The following RGMB variants were observed in gnomAD, a reference collection of about 807,000 sequenced individuals.
RGMB encodes the protein repulsive guidance molecule BMP co-receptor b.
RGMB carries 16 observed loss-of-function variants against 26.9 expected under a neutral mutation model. That is an observed-to-expected ratio of 0.60 (90% confidence interval 0.40 to 0.90). The LOEUF is 0.90. Among genes scored for constraint, RGMB ranks in the 40% least tolerant of loss-of-function variants. RGMB has a pLI of 0.00. For synonymous variants in RGMB, 225 were observed against 229.3 expected, an observed-to-expected ratio of 0.98 and a Z score of 0.17; for missense variants, 512 against 573.3, an observed-to-expected ratio of 0.89 and a Z score of 1.09.
intron 1 of RGMB, among the ~76,000 whole-genome samples, 158 bp downstream of exon 1, chr5:98,774,364 G>A (rs1174899794): frequency 1.3e-5 from 2 of 152,276 alleles, no homozygotes; most frequent in East Asian, 3.9e-4. Context: ...CGGGCTCCGG[G>A]CCACAGTAAC....
At position 98,773,796 on chromosome 5, in the gene RGMB, G is replaced by C. The variant is rs186251635; in HGVS notation, c.-275G>C. On this transcript the variant is annotated 5_prime_UTR_variant, in exon 1 of 3. Coordinates refer to ENST00000513185, the MANE Select transcript of RGMB (RefSeq NM_001366508.1). ...GGGACTCGTCTCAGCAGTCGCTCAC[G>C]GTCTTTGTGTCTTCTCTTCCGCCCC... The C allele has an allele frequency of 4.7e-6, 2 of 428,422 alleles. No individual in the cohort carries two copies. The highest frequency in any genetic ancestry group is 4.5e-5 in the Admixed American group (1 of 22,144). The allele number at this position is 428,422 out of a possible 1,614,324, so 26.5% of individuals were successfully genotyped here.
chr5:98,774,173 C>A lies in RGMB; in HGVS notation c.103C>A (p.Leu35Met). The A allele has an allele frequency of 1.3e-6, 2 of 1,499,550 alleles. No individual in the cohort carries two copies. The highest frequency in any genetic ancestry group is 1.8e-6 in the Non-Finnish European group (2 of 1,131,782). The allele number at this position is 1,499,550 out of a possible 1,614,324, so 92.9% of individuals were successfully genotyped here. Reference protein sequence around the residue: ...LCPPPLELLLLLLFSLGLLHA... With the variant: ...LCPPPLELLLMLLFSLGLLHA... The stretch of plus-strand genomic sequence containing the variant: ...CCCCCCGCCGCTGGAGCTGCTGCTG[C>A]TGCTGCTGTTCAGCCTCGGGCTGCT... Residue 35 changes from leucine to methionine, a missense_variant, in exon 1 of 3, where the codon CTG becomes ATG. Physicochemically the swap from Leu to Met is conservative, Grantham distance 15. Coordinates refer to ENST00000513185, the MANE Select transcript of RGMB (RefSeq NM_001366508.1).
chr5:98,777,097 A>AAAAGG (rs1746439863), intron 1 of RGMB, among the ~76,000 whole-genome samples: 1 of 152,082 alleles, frequency 6.6e-6, no homozygotes. Flanking sequence ...AAAAAAAAAA[A>AAAAGG]AAAGGAAAGG....
rs557341925 is a variant in RGMB at position 98,775,869 on chromosome 5, TAAAGA to T, written c.136+1670_136+1674del. ...GTTGGAGTGAAGCGATTAATCCTGTTAAAGAAAAGAACGCTCCTTTTGAGAGATTT... is the reference window on the plus strand; with the variant it reads ...GTTGGAGTGAAGCGATTAATCCTGTTAAAGAACGCTCCTTTTGAGAGATTT... On this transcript the variant is annotated intron_variant, in intron 1 of 2. Transcript: ENST00000513185. 1.3e-4 allele frequency among the ~76,000 whole-genome samples: 20 copies of T among 152,376 alleles called. No homozygotes were observed. In the South Asian group the frequency reaches 4.1e-3, roughly 32 times the overall value.
intron 2 of RGMB, among the ~76,000 whole-genome samples, chr5:98,782,078 G>A (rs1746625338): frequency 6.6e-6 from 1 of 152,202 alleles, no homozygotes; most frequent in Admixed American, 6.5e-5. Flanking sequence ...CTATTGGAAG[G>A]TATTTTCCCA....
At chr5:98,787,500 A>G (rs959079759) in intron 2 of RGMB, among the ~76,000 whole-genome samples, 1 of 152,188 alleles carries the variant, frequency 6.6e-6, no homozygotes, top group Admixed American at 6.5e-5. Flanking sequence ...CACCTTTCAG[A>G]ATATTTTTAG....
At chr5:98,775,055 A>G (rs539651911) in intron 1 of RGMB, among the ~76,000 whole-genome samples, 1 of 152,030 alleles carries the variant, frequency 6.6e-6, no homozygotes, top group African/African-American at 2.4e-5. Flanking sequence ...TTTTAATGCT[A>G]AGGTTGAAAG....
In RGMB at chr5:98,794,565, G is replaced by C. The variant is rs986385548; in HGVS notation, c.*812G>C. On this transcript the variant is annotated 3_prime_UTR_variant, in exon 3 of 3. Transcript: ENST00000513185. Reference sequence around the variant, plus strand: ...TCCCATGCCCCGTTTTAAATTGTCAGTTTTCCCTCTGACTCTTCTGTGTTA... The same window carrying C: ...TCCCATGCCCCGTTTTAAATTGTCACTTTTCCCTCTGACTCTTCTGTGTTA... 1 of 152,128 alleles carries C rather than the reference G, an allele frequency of 6.6e-6. No homozygotes were observed. The highest frequency in any genetic ancestry group is 1.5e-5 in the Non-Finnish European group (1 of 68,030). 9.4% of individuals were successfully genotyped at this position (152,128 alleles called of 1,614,324 possible).
At chr5:98,780,407 A>G (rs1347083051) in intron 2 of RGMB, 1 of 241,442 alleles carries the variant, frequency 4.1e-6, no homozygotes, top group Admixed American at 5.1e-5. Flanking sequence ...TTTTGAGTGC[A>G]TATGTGTGTG....
intron 1 of RGMB, among the ~76,000 whole-genome samples, chr5:98,777,258 C>T (rs1299749657): frequency 6.6e-6 from 1 of 152,100 alleles, no homozygotes; most frequent in Non-Finnish European, 1.5e-5. Flanking sequence ...GAAACGTATG[C>T]TCGGATAGAT....
chr5:98,772,338 A>G (rs1746193300), upstream of RGMB, among the ~76,000 whole-genome samples: 1 of 152,234 alleles, frequency 6.6e-6, no homozygotes, highest in South Asian at 2.1e-4. Flanking sequence ...AAATGTGTCT[A>G]ATAAGTGAGC....
intron 1 of RGMB, among the ~76,000 whole-genome samples, chr5:98,777,989 C>T (rs974703269): frequency 4.6e-5 from 7 of 152,168 alleles, no homozygotes; most frequent in African/African-American, 1.7e-4. Context: ...TCTTCCCTCC[C>T]ATCATCTCTG....
At position 98,793,822 on chromosome 5, in the gene RGMB, T is replaced by C; in HGVS notation, c.*69T>C. On this transcript the variant is annotated 3_prime_UTR_variant, in exon 3 of 3. Transcript: ENST00000513185. Reference sequence around the variant, plus strand: ...AATTTTAAAATATATATTGTCATAATATATTGAGTAAAAGAGTATATATGT... The same window carrying C: ...AATTTTAAAATATATATTGTCATAACATATTGAGTAAAAGAGTATATATGT... 2 of 1,190,408 alleles carry C rather than the reference T, an allele frequency of 1.7e-6. No homozygotes were observed. The highest frequency in any genetic ancestry group is 2.3e-6 in the Non-Finnish European group (2 of 866,910). 73.7% of individuals were successfully genotyped at this position (1,190,408 alleles called of 1,614,324 possible). A position where few individuals can be genotyped will look rare whatever the true frequency, so the allele number is the denominator to read the frequency against.
intron 1 of RGMB, among the ~76,000 whole-genome samples, chr5:98,774,501 G>A (rs557925593): frequency 6.6e-6 from 1 of 152,372 alleles, no homozygotes; most frequent in African/African-American, 2.4e-5. Context: ...GCGGGCGGGG[G>A]CCGCGCGCCC....
Position 98,774,186 on chromosome 5 carries a change from G to A in RGMB, c.116G>A (p.Ser39Asn). 4 of 1,492,658 alleles carry A rather than the reference G, an allele frequency of 2.7e-6. No homozygotes were observed. The highest frequency in any genetic ancestry group is 3.5e-6 in the Non-Finnish European group (4 of 1,128,950). The allele number at this position is 1,492,658 out of a possible 1,614,324, so 92.5% of individuals were successfully genotyped here. Residue 39 changes from serine (S) to asparagine (N), a missense_variant, in exon 1 of 3, where the codon AGC becomes AAC. Coordinates refer to ENST00000513185, the MANE Select transcript of RGMB (RefSeq NM_001366508.1). ...GAGCTGCTGCTGCTGCTGCTGTTCA[G>A]CCTCGGGCTGCTCCACGCAGGTAGG... ...PLELLLLLLFSLGLLHAGDCQ... is the reference protein window; with the variant it reads ...PLELLLLLLFNLGLLHAGDCQ...
At chr5:98,775,138 T>C (rs1746356758) in intron 1 of RGMB, among the ~76,000 whole-genome samples, 1 of 152,158 alleles carries the variant, frequency 6.6e-6, no homozygotes, top group Non-Finnish European at 1.5e-5. Flanking sequence ...TTTTTTGTCC[T>C]GTATATATGA....
At chr5:98,783,418 T>C (rs1561442413) in intron 2 of RGMB, among the ~76,000 whole-genome samples, 2 of 152,190 alleles carry the variant, frequency 1.3e-5, no homozygotes. Context: ...CAGAGTTAGC[T>C]ACACTGAGAA....
chr5:98,771,755 A>G (rs1346096658), upstream of RGMB: 1 of 152,218 alleles, frequency 6.6e-6, no homozygotes, highest in African/African-American at 2.4e-5. Flanking sequence ...GAAAATCTAG[A>G]GCACCCGTGT....
At chr5:98,784,696 A>G (rs185036889) in intron 2 of RGMB, among the ~76,000 whole-genome samples, 62 of 152,350 alleles carry the variant, frequency 4.1e-4, no homozygotes, top group African/African-American at 1.5e-3. Context: ...CCCCAGACCT[A>G]GTACATTTAT....
Sources: gnomAD v4.1 joint callset for allele counts (sites outside exome capture counted in the v4.1 genomes callset) on GRCh38, gnomAD v4.1.1 for gene constraint, MANE v1.5 for transcripts, NCBI Gene and HGNC (gene_info 2026-07-23, HGNC 2026-07-21) for gene names.